MTTP: variants seen among roughly 807,000 people sequenced by gnomAD.
The protein encoded by MTTP is microsomal triglyceride transfer protein large subunit.
In MTTP, 49 loss-of-function variants were observed where a neutral mutation model predicts 90.6. That is an observed-to-expected ratio of 0.54 (90% CI 0.43 to 0.69). The LOEUF is 0.69. MTTP is among the 30% of genes least tolerant of loss of function. The pLI, the probability that MTTP is intolerant of heterozygous loss-of-function variation, is 0.00. For synonymous variants in MTTP, 347 were observed against 384.2 expected (o/e 0.90, Z 1.13); for missense variants, 945 against 1,067.5 (o/e 0.89, Z 1.60).
At chr4:99,591,828 C>T in intron 6 of MTTP, 38 bp downstream of exon 6, 5 of 1,514,860 alleles carry the variant, frequency 3.3e-6, no homozygotes, top group Non-Finnish European at 4.5e-6. Flanking sequence ...CTTTGCTATT[C>T]TTTGTTATAT....
Position 99,622,062 on chromosome 4 carries a change from A to C in MTTP, c.2514-615A>C, listed in dbSNP as rs190126261. Among the ~76,000 whole-genome samples, 6 of 152,366 alleles carry C rather than the reference A, an allele frequency of 3.9e-5. No homozygotes were observed. In the East Asian group the frequency reaches 9.6e-4, roughly 24 times the overall value. On this transcript the variant is annotated intron_variant, in intron 17 of 17. Transcript: ENST00000265517. ...TTAAAAAACGCATTGATTATATAAA[A>C]GTAAACGAGTCAGTTGTATTTTCAG...
At chr4:99,615,361 C>T (rs1726073226) in intron 15 of MTTP, among the ~76,000 whole-genome samples, 1 of 152,222 alleles carries the variant, frequency 6.6e-6, no homozygotes, top group South Asian at 2.1e-4. Context: ...GCCTGCTGGC[C>T]ATAGTTTGCC....
chr4:99,577,540 G>A (rs1456508353), intron 1 of MTTP, among the ~76,000 whole-genome samples: 1 of 148,552 alleles, frequency 6.7e-6, no homozygotes, highest in Non-Finnish European at 1.5e-5. Flanking sequence ...GGGAGGTGGA[G>A]GTTGCAGTGA....
At position 99,620,868 on chromosome 4, in the gene MTTP, C is replaced by T. The variant is rs1050827298; in HGVS notation, c.2343-193C>T. The T allele has an allele frequency of 1.0e-5, 6 of 601,158 alleles. No individual in the cohort carries two copies. The African/African-American group carries it at 1.1e-4, about 11-fold the overall frequency. The allele number at this position is 601,158 out of a possible 1,614,324, so 37.2% of individuals were successfully genotyped here. A position where few individuals can be genotyped will look rare whatever the true frequency, so the allele number is the denominator to read the frequency against. On this transcript the variant is annotated intron_variant, in intron 16 of 17. Coordinates refer to ENST00000265517, the MANE Select transcript of MTTP (RefSeq NM_001386140.1). The stretch of plus-strand genomic sequence containing the variant: ...TCAGGGGAAGGGCAAACCTTCCCTG[C>T]CCAATATCTGAGACTCACCAGGCCC...
intron 8 of MTTP, 116 bp from the exon 9 acceptor site, chr4:99,600,447 TAA>T (rs5860584): frequency 2.0e-5 from 20 of 987,628 alleles, no homozygotes; most frequent in Non-Finnish European, 2.6e-5. Context: ...TTGTTCAAAT[TAA>T]AAAAAAAATC....
chr4:99,592,530 AT>A (rs71594556), intron 6 of MTTP, among the ~76,000 whole-genome samples: 10,235 of 151,424 alleles, frequency 0.068, 548 homozygotes, highest in African/African-American at 0.15. Flanking sequence ...TTTTATTTTT[AT>A]TTTTTTCTTT....
In MTTP at chr4:99,594,813, T is replaced by C; in HGVS notation, c.839T>C (p.Val280Ala). 6.2e-7 allele frequency: 1 copy of C among 1,614,078 alleles called. No individual in the cohort carries two copies. Among genetic ancestry groups the C allele is most frequent in the Non-Finnish European group, 8.5e-7 (1 of 1,179,944 alleles). ...CAGGCTGCAGCCATAATCAAAGCAG[T>C]TGATTCAAAGTACACGGCCATTCCC... is the stretch of plus-strand genomic sequence containing the variant. ...GKQAAAIIKA[V>A]DSKYTAIPIV... Residue 280 changes from valine to alanine, a missense_variant, in exon 7 of 18, where the codon GTT (valine) becomes GCT (alanine). Val to Ala is a moderately conservative substitution (Grantham distance 64). Transcript: ENST00000265517.
intron 11 of MTTP, among the ~76,000 whole-genome samples, chr4:99,608,094 G>C (rs781595293): frequency 6.6e-5 from 10 of 152,114 alleles, no homozygotes; most frequent in Non-Finnish European, 1.5e-4. Context: ...TATTAGTTAG[G>C]TAACACCAGG....
chr4:99,622,677 G>T lies in MTTP; in HGVS notation c.2514G>T (p.Arg838Ser). ...MQMDKDEAPF[R>S]QFEKKYERLS... Reference sequence around the variant, plus strand: ...TGTTATTGTTGCTGTTGTTGTACAGGCAATTTGAGAAAAAGTACGAAAGGC... The same window carrying T: ...TGTTATTGTTGCTGTTGTTGTACAGTCAATTTGAGAAAAAGTACGAAAGGC... Residue 838 changes from arginine (R) to serine (S), a missense_variant and splice_region_variant, in exon 18 of 18, where the codon AGG (arginine) becomes AGT (serine). Transcript: ENST00000265517. 1.2e-6 allele frequency: 2 copies of T among 1,613,820 alleles called. No homozygotes were observed. The highest frequency in any genetic ancestry group is 1.7e-6 in the Non-Finnish European group (2 of 1,179,784).
intron 1 of MTTP, among the ~76,000 whole-genome samples, chr4:99,566,303 A>AAG (rs1724699186): frequency 7.6e-6 from 1 of 131,290 alleles, no homozygotes; most frequent in African/African-American, 3.4e-5. Flanking sequence ...AAAAGAAAAA[A>AAG]AAAAAAAAAA....
At chr4:99,584,303 C>T (rs1725203213) in intron 3 of MTTP, 1 of 151,836 alleles carries the variant, frequency 6.6e-6, no homozygotes, top group Admixed American at 6.6e-5. Flanking sequence ...ATTTTAGGAA[C>T]AAAAGCAGGA....
Position 99,617,292 on chromosome 4 carries a change from T to C in MTTP, c.2218-1682T>C, listed in dbSNP as rs115302124. Among the ~76,000 whole-genome samples the C allele has an allele frequency of 2.5e-3, 378 of 152,312 alleles. 3 individuals carry two copies. The highest frequency in any genetic ancestry group is 8.5e-3 in the African/African-American group (353 of 41,568). On this transcript the variant is annotated intron_variant, in intron 15 of 17. Coordinates refer to ENST00000265517, the MANE Select transcript of MTTP (RefSeq NM_001386140.1). ...GCTATCTCCTAATGTGTCCTGAGCA[T>C]GGCACTGAGAATCTCATGCTTCCAT...
chr4:99,620,862 T>A (rs1578258188), intron 16 of MTTP, 199 bp from the exon 17 acceptor site: 4 of 595,114 alleles, frequency 6.7e-6, no homozygotes, highest in East Asian at 2.8e-5. Flanking sequence ...GGGCAAACCT[T>A]CCCTGCCCAA....
In MTTP at chr4:99,613,100, G is replaced by C. The variant is rs1726003239; in HGVS notation, c.2177G>C (p.Ser726Thr). The change falls in exon 15 of 18, where the codon AGT becomes ACT. Residue 726 changes from serine to threonine, a missense_variant. By Grantham distance (58) the Ser-to-Thr change is moderately conservative (BLOSUM62 1). Transcript: ENST00000265517. ...CTGTCAGCATCTGGCGACCCTATCA[G>C]TGTGGTGAAAGGACTTATTCTGCTA... The part of the protein sequence containing the change: ...KMLSASGDPI[S>T]VVKGLILLID... The C allele has an allele frequency of 6.2e-7, 1 of 1,613,996 alleles. No homozygotes were observed.
chr4:99,607,980 A>G (rs1041758586), intron 11 of MTTP, among the ~76,000 whole-genome samples: 3 of 152,098 alleles, frequency 2.0e-5, no homozygotes, highest in Admixed American at 6.6e-5. Flanking sequence ...AATTAAAAAA[A>G]AGAGAGATGG....
intron 1 of MTTP, 105 bp downstream of exon 1, chr4:99,575,075 C>A: frequency 7.9e-7 from 1 of 1,270,522 alleles, no homozygotes; most frequent in Non-Finnish European, 1.1e-6. Flanking sequence ...GAAAGAGTTT[C>A]TGACTAAACT....
In MTTP at chr4:99,589,746, A is replaced by G. The variant is rs3792683; in HGVS notation, c.497A>G (p.Asn166Ser). The change falls in exon 4 of 18, where the codon AAT (asparagine) becomes AGT (serine). Residue 166 changes from asparagine to serine, a missense_variant. By Grantham distance (46) the Asn-to-Ser change is conservative. Coordinates refer to ENST00000265517, the MANE Select transcript of MTTP (RefSeq NM_001386140.1). ...ACACAGTTAAGCTCTGGAACCACCA[A>G]TGAGGTACTTACCAATATTAATAAG... ...FQTQLSSGTT[N>S]EVDISGNCKV... 74,795 of 1,545,556 alleles carry G rather than the reference A, an allele frequency of 0.048. 3,259 individuals are homozygous for G. The highest frequency in any genetic ancestry group is 0.21 in the East Asian group (9,217 of 44,310).
intron 1 of MTTP, among the ~76,000 whole-genome samples, chr4:99,567,080 A>G (rs1724720108): frequency 1.3e-5 from 2 of 152,222 alleles, no homozygotes; most frequent in African/African-American, 4.8e-5. Context: ...CTCATCTATA[A>G]TCATTTCAAC....
upstream of MTTP, among the ~76,000 whole-genome samples, chr4:99,573,010 C>A (rs1467817711): frequency 6.6e-6 from 1 of 151,988 alleles, no homozygotes. Flanking sequence ...ATCAAATGCT[C>A]AAATGAAATA....
Sources: allele counts gnomAD v4.1 joint callset (sites outside exome capture counted in the v4.1 genomes callset), GRCh38; gene constraint gnomAD v4.1.1; transcripts MANE v1.5; gene names NCBI Gene and HGNC (gene_info 2026-07-23, HGNC 2026-07-21).